The following CREB3L2 variants were observed in gnomAD, a reference collection of about 807,000 sequenced individuals.
The protein encoded by CREB3L2 is cAMP responsive element binding protein 3 like 2.
CREB3L2 carries 23 observed loss-of-function variants against 57.2 expected under a neutral mutation model. That is an observed-to-expected ratio of 0.40 (90% CI 0.29 to 0.57). The LOEUF is 0.57. Among genes scored for constraint, CREB3L2 ranks in the 20% least tolerant of loss-of-function variants. CREB3L2 has a pLI of 0.42. For synonymous variants in CREB3L2, 268 were observed against 265.1 expected, an observed-to-expected ratio of 1.01 and a Z score of -0.11; for missense variants, 628 against 634.7, an observed-to-expected ratio of 0.99 and a Z score of 0.11.
intron 6 of CREB3L2, among the ~76,000 whole-genome samples, chr7:137,904,524 C>T (rs894274632): frequency 1.3e-5 from 2 of 152,148 alleles, no homozygotes; most frequent in East Asian, 1.9e-4. Flanking sequence ...ATTAGCTGGG[C>T]GCGGTGGTGC....
chr7:137,990,462 T>C (rs1801873283), intron 1 of CREB3L2, among the ~76,000 whole-genome samples: 1 of 152,212 alleles, frequency 6.6e-6, no homozygotes, highest in Non-Finnish European at 1.5e-5. Flanking sequence ...GCATCTTCCT[T>C]CCTACTCTAC....
At chr7:137,972,048 G>A (rs1208902648) in intron 1 of CREB3L2, among the ~76,000 whole-genome samples, 3 of 152,002 alleles carry the variant, frequency 2.0e-5, no homozygotes, top group Non-Finnish European at 4.4e-5. Context: ...TGTAAAAGAA[G>A]TATTCATAAA....
chr7:137,978,857 T>C (rs1252451729), intron 1 of CREB3L2, among the ~76,000 whole-genome samples: 1 of 151,992 alleles, frequency 6.6e-6, no homozygotes, highest in Non-Finnish European at 1.5e-5. Flanking sequence ...GAGCCGTGGA[T>C]GAAAACCTCA....
chr7:137,943,694 A>G (rs1198180620), intron 1 of CREB3L2, among the ~76,000 whole-genome samples: 1 of 152,150 alleles, frequency 6.6e-6, no homozygotes, highest in Non-Finnish European at 1.5e-5. Context: ...TAAGAAACTA[A>G]CAATTTCTGA....
At chr7:137,987,445 T>C (rs1801811426) in intron 1 of CREB3L2, among the ~76,000 whole-genome samples, 1 of 152,212 alleles carries the variant, frequency 6.6e-6, no homozygotes, top group Admixed American at 6.5e-5. Context: ...AAGGCTTTTG[T>C]GGCCAATCTG....
intron 3 of CREB3L2, among the ~76,000 whole-genome samples, chr7:137,915,625 A>AT (rs1800111032): frequency 6.6e-6 from 1 of 152,112 alleles, no homozygotes; most frequent in African/African-American, 2.4e-5. Context: ...TTAGCTACTA[A>AT]TTTTTTCCGA....
rs1408267144 is a variant in CREB3L2, at chr7:137,974,212, CT to C, written c.102+27391del. Among the ~76,000 whole-genome samples, 3 of 152,168 alleles carry C rather than the reference CT, an allele frequency of 2.0e-5. No individual in the cohort carries two copies. The East Asian group carries it at 5.8e-4, about 29-fold the overall frequency. On this transcript the variant is annotated intron_variant, in intron 1 of 11. Coordinates refer to ENST00000330387, the MANE Select transcript of CREB3L2 (RefSeq NM_194071.4). ...CAAAGAGACCCTTGCTCTATTGGAACTTACAATAATGGGAGAGAAAAGGTGA... is the reference window on the plus strand; with the variant it reads ...CAAAGAGACCCTTGCTCTATTGGAACTACAATAATGGGAGAGAAAAGGTGA...
At chr7:137,936,682 G>A (rs1355663965) in intron 1 of CREB3L2, among the ~76,000 whole-genome samples, 1 of 152,152 alleles carries the variant, frequency 6.6e-6, no homozygotes, top group Non-Finnish European at 1.5e-5. Flanking sequence ...CAGCATTTCA[G>A]GAGGCTGACC....
chr7:137,882,568 G>C lies in CREB3L2; in HGVS notation c.1331C>G (p.Pro444Arg). Residue 444 changes from proline (P) to arginine (R), a missense_variant, in exon 11 of 12, where the codon CCG becomes CGG. Pro to Arg is a moderately radical substitution (Grantham distance 103, BLOSUM62 -2). This residue lies in a region of CREB3L2 where 272 missense variants were observed against 242.7 expected (regional missense o/e 1.12). Coordinates refer to ENST00000330387, the MANE Select transcript of CREB3L2 (RefSeq NM_194071.4). Reference protein sequence around the residue: ...EHSPPEESSSPGSAGELGGWD... With the variant: ...EHSPPEESSSRGSAGELGGWD... The stretch of plus-strand genomic sequence containing the variant: ...GCCCCCCAGCTCCCCAGCCGAGCCC[G>C]GGCTGGATGACTCCTCTGGGGGAGA... 1.2e-6 allele frequency: 2 copies of C among 1,613,388 alleles called. No individual in the cohort carries two copies. Among genetic ancestry groups the C allele is most frequent in the Non-Finnish European group, 1.7e-6 (2 of 1,179,480 alleles).
intron 8 of CREB3L2, among the ~76,000 whole-genome samples, chr7:137,887,244 C>T (rs1193989038): frequency 6.6e-6 from 1 of 152,166 alleles, no homozygotes; most frequent in East Asian, 1.9e-4. Context: ...TTTTCCTGGG[C>T]TTACATCTTC....
intron 10 of CREB3L2, 98 bp downstream of exon 10, chr7:137,884,897 C>T (rs749292205): frequency 2.0e-5 from 31 of 1,525,376 alleles, no homozygotes; most frequent in Non-Finnish European, 2.7e-5. Context: ...ACTTTTTAAA[C>T]ATTGGACTTT....
rs182458696 is a variant in CREB3L2, at chr7:137,984,987, A to G, written c.102+16617T>C. Among the ~76,000 whole-genome samples, 3 of 152,330 alleles carry G rather than the reference A, an allele frequency of 2.0e-5. No homozygotes were observed. In the East Asian group the frequency reaches 5.8e-4, roughly 29 times the overall value. ...TTCTCATTGAACTCCATTATCAGCA[A>G]TGAGTTTTGCGGGGAGCTGGGGGTT... On this transcript the variant is annotated intron_variant, in intron 1 of 11. Coordinates refer to ENST00000330387, the MANE Select transcript of CREB3L2 (RefSeq NM_194071.4).
intron 2 of CREB3L2, among the ~76,000 whole-genome samples, chr7:137,920,557 A>G (rs1236528720): frequency 6.6e-6 from 1 of 152,226 alleles, no homozygotes; most frequent in Non-Finnish European, 1.5e-5. Flanking sequence ...GTTATGCCGC[A>G]ACAGAGCTAG....
In CREB3L2 at chr7:137,892,446, T is replaced by C. The variant is rs570081714; in HGVS notation, c.1044-6944A>G. ...TGAGCGGATCACTTGAGGTCAGGAG[T>C]TCGAGACCAGCCTGGCCAACATGGC... On this transcript the variant is annotated intron_variant, in intron 8 of 11. Transcript: ENST00000330387. Among the ~76,000 whole-genome samples the C allele has an allele frequency of 6.6e-5, 10 of 150,896 alleles. No homozygotes were observed. In the East Asian group the frequency reaches 2.0e-3, roughly 29 times the overall value.
rs1799374187 is a variant in CREB3L2 at position 137,884,807 on chromosome 7, G to C, written c.1270+188C>G. 8 of 705,352 alleles carry C rather than the reference G, an allele frequency of 1.1e-5. No individual in the cohort carries two copies. In the East Asian group the frequency reaches 1.8e-4, roughly 16 times the overall value. 43.7% of individuals were successfully genotyped at this position (705,352 alleles called of 1,614,324 possible). A position where few individuals can be genotyped will look rare whatever the true frequency, so the allele number is the denominator to read the frequency against. ...TCTGTCAAGCTCTGGAGAATTCCCAGTGATGCCGCAGTCCAGTGGATGAGG... is the reference window on the plus strand; with the variant it reads ...TCTGTCAAGCTCTGGAGAATTCCCACTGATGCCGCAGTCCAGTGGATGAGG... On this transcript the variant is annotated intron_variant, in intron 10 of 11. Transcript: ENST00000330387.
chr7:137,882,643 G>C lies in CREB3L2; in HGVS notation c.1271-15C>G. 1 of 1,549,272 alleles carries C rather than the reference G, an allele frequency of 6.5e-7. No individual in the cohort carries two copies. The highest frequency in any genetic ancestry group is 8.8e-7 in the Non-Finnish European group (1 of 1,138,944). On this transcript the variant is annotated splice_polypyrimidine_tract_variant and intron_variant, in intron 10 of 11. Coordinates refer to ENST00000330387, the MANE Select transcript of CREB3L2 (RefSeq NM_194071.4). ...TCTGGATCTCACTGAGGACAGAGCAGAATAATAAGGTGTTAGCAAAAGACC... is the reference window on the plus strand; with the variant it reads ...TCTGGATCTCACTGAGGACAGAGCACAATAATAAGGTGTTAGCAAAAGACC...
At chr7:137,962,674 T>A (rs1801346194) in intron 1 of CREB3L2, among the ~76,000 whole-genome samples, 2 of 151,052 alleles carry the variant, frequency 1.3e-5, no homozygotes, top group Admixed American at 6.6e-5. Context: ...CCCATCGTGG[T>A]TTATTGTTCT....
chr7:137,895,650 A>AAAAAAAAAAAAAAAG (rs1295924394), intron 8 of CREB3L2, among the ~76,000 whole-genome samples: 3 of 150,202 alleles, frequency 2.0e-5, no homozygotes, highest in African/African-American at 7.5e-5. Flanking sequence ...TACAAAAAAA[A>AAAAAAAAAAAAAAAG]AAAGAAAGAA....
At chr7:137,885,152 C>T (rs775854960) in intron 9 of CREB3L2, 31 bp from the exon 10 acceptor site, 19 of 1,611,562 alleles carry the variant, frequency 1.2e-5, no homozygotes, top group East Asian at 2.2e-5. Flanking sequence ...AGAGAGAACA[C>T]GAGGGGCTGT....
Sources: gnomAD v4.1 joint callset for allele counts (sites outside exome capture counted in the v4.1 genomes callset) on GRCh38, gnomAD v4.1.1 for gene constraint, gnomAD v4.1.1 regional missense constraint, MANE v1.5 for transcripts, NCBI Gene and HGNC (gene_info 2026-07-23, HGNC 2026-07-21) for gene names.